Variants in INF2 observed in about 807,000 individuals in gnomAD.
INF2 encodes inverted formin 2, also known as inverted formin-2.
A neutral mutation model predicts 123.5 loss-of-function variants in INF2; 43 were observed. That is an observed-to-expected ratio of 0.35 (90% confidence interval 0.27 to 0.45). The LOEUF is 0.45. Among genes scored for constraint, INF2 ranks in the 20% least tolerant of loss-of-function variants. INF2 has a pLI of 1.00. For missense variants in INF2, 1,453 were observed against 1,682.7 expected (o/e 0.86, Z 2.39); for synonymous variants, 851 against 745.0 (o/e 1.14, Z -2.32).
Position 104,704,103 on chromosome 14 carries a change from G to T in INF2, c.701+154G>T, listed in dbSNP as rs1254190323. 4.0e-6 allele frequency: 6 copies of T among 1,490,962 alleles called. No individual in the cohort carries two copies. The African/African-American group carries it at 6.9e-5, about 17-fold the overall frequency. The allele number at this position is 1,490,962 out of a possible 1,614,324, so 92.4% of individuals were successfully genotyped here. A position where few individuals can be genotyped will look rare whatever the true frequency, so the allele number is the denominator to read the frequency against. On this transcript the variant is annotated intron_variant, in intron 5 of 22. Coordinates refer to ENST00000392634, the MANE Select transcript of INF2 (RefSeq NM_022489.4). ...AGTAACCCCAGGGGTCCAGCCAGAA[G>T]CCAGGTCTCAGGCTAGAATCCAGCT...
At chr14:104,689,882 G>A in intron 1 of INF2, 143 bp downstream of exon 1, 1 of 385,524 alleles carries the variant, frequency 2.6e-6, no homozygotes, top group Non-Finnish European at 3.6e-6. Context: ...GGCGGCGCAG[G>A]GTACAGTTCC....
At position 104,720,180 on chromosome 14, in the gene INF2, G is replaced by T. The variant is rs530531234; in HGVS notation, c.*1387G>T. 2 of 155,944 alleles carry T rather than the reference G, an allele frequency of 1.3e-5. No homozygotes were observed. The highest frequency in any genetic ancestry group is 2.8e-5 in the Non-Finnish European group (2 of 70,652). 9.7% of individuals were successfully genotyped at this position (155,944 alleles called of 1,614,324 possible). On this transcript the variant is annotated 3_prime_UTR_variant, in exon 23 of 23. Transcript: ENST00000392634. ...GGCTGTTTTCACGCGCCATCCTCACGGCAGGCTGTATCAGGACTTCATTCC... is the reference window on the plus strand; with the variant it reads ...GGCTGTTTTCACGCGCCATCCTCACTGCAGGCTGTATCAGGACTTCATTCC...
rs267607183 is a variant in INF2, at chr14:104,703,440, G to A, written c.653G>A (p.Arg218Gln). 3 of 1,612,364 alleles carry A rather than the reference G, an allele frequency of 1.9e-6. No homozygotes were observed. Among genetic ancestry groups the A allele is most frequent in the Non-Finnish European group, 2.5e-6 (3 of 1,179,880 alleles). The change falls in exon 4 of 23, where the codon CGG becomes CAG. Residue 218 changes from arginine (R) to glutamine (Q), a missense_variant. Arg to Gln is a conservative substitution (Grantham distance 43). This residue lies in a region of INF2 where 251 missense variants were observed against 349.4 expected (regional missense o/e 0.72). Transcript: ENST00000392634. ...PEDLRARTQL[R>Q]NEFIGLQLLD... ...GACCTGCGCGCGCGCACCCAGCTGC[G>A]GAACGAGTTTATCGGTAAGCACCTG...
rs59346268 is a variant in INF2, at chr14:104,699,915, C to T, written c.-9-1442C>T. ...CTGCCTCCTGGAAGGAGCCCACTGG[C>T]CCCCTGGGGCAGTTGGACAGGTGGA... On this transcript the variant is annotated intron_variant, in intron 1 of 22. Coordinates refer to ENST00000392634, the MANE Select transcript of INF2 (RefSeq NM_022489.4). This position sits in a 1 kb window ranked among gnomAD's most constrained non-coding sequence, Gnocchi z 4.7. Among the ~76,000 whole-genome samples, 23,417 of 152,086 alleles carry T rather than the reference C, an allele frequency of 0.15. 2,257 individuals are homozygous for T. The highest frequency in any genetic ancestry group is 0.43 in the East Asian group (2,240 of 5,156).
At chr14:104,696,365 A>G (rs1196262587) in intron 1 of INF2, among the ~76,000 whole-genome samples, 1 of 152,106 alleles carries the variant, frequency 6.6e-6, no homozygotes, top group Non-Finnish European at 1.5e-5. Flanking sequence ...GCCAGCCCTC[A>G]CCAAGGCCCA....
chr14:104,719,480 G>A lies in INF2; in HGVS notation c.*687G>A, dbSNP rs1475189702. Reference sequence around the variant, plus strand: ...AGGTCCACCTGAGGGGCTGCAGGGTGACACCCAGCAGCCGCTGCCCCCTCA... The same window carrying A: ...AGGTCCACCTGAGGGGCTGCAGGGTAACACCCAGCAGCCGCTGCCCCCTCA... On this transcript the variant is annotated 3_prime_UTR_variant, in exon 23 of 23. Coordinates refer to ENST00000392634, the MANE Select transcript of INF2 (RefSeq NM_022489.4). 6.6e-6 allele frequency: 1 copy of A among 152,166 alleles called. No individual in the cohort carries two copies. Among genetic ancestry groups the A allele is most frequent in the Non-Finnish European group, 1.5e-5 (1 of 68,022 alleles). 9.4% of individuals were successfully genotyped at this position (152,166 alleles called of 1,614,324 possible).
chr14:104,687,709 G>A (rs1216023479), upstream of INF2, among the ~76,000 whole-genome samples: 5 of 152,150 alleles, frequency 3.3e-5, no homozygotes, highest in Non-Finnish European at 5.9e-5. This position sits in a 1 kb window ranked among gnomAD's most constrained non-coding sequence, Gnocchi z 5.6. Context: ...TGGGGGCGCT[G>A]GGCCTCCCTC....
chr14:104,709,447 CG>C, intron 11 of INF2, 64 bp downstream of exon 11: 3 of 1,398,632 alleles, frequency 2.1e-6, no homozygotes, highest in Non-Finnish European at 2.0e-6. Context: ...GAGGCTGTCC[CG>C]GGGGCTCCCA....
intron 22 of INF2, among the ~76,000 whole-genome samples, chr14:104,716,348 A>G (rs1890298973): frequency 6.6e-6 from 1 of 152,168 alleles, no homozygotes; most frequent in South Asian, 2.1e-4. Context: ...CACGGCCTTC[A>G]CCCTGGGTTC....
chr14:104,702,763 G>T (rs898382769), intron 2 of INF2, among the ~76,000 whole-genome samples: 1 of 152,250 alleles, frequency 6.6e-6, no homozygotes, highest in Non-Finnish European at 1.5e-5. Context: ...AGCTCCAGAT[G>T]GGGTGGGAGG....
intron 16 of INF2, among the ~76,000 whole-genome samples, 200 bp from the exon 17 acceptor site, chr14:104,712,233 A>G (rs931457332): frequency 2.6e-5 from 4 of 152,134 alleles, no homozygotes; most frequent in African/African-American, 7.2e-5. Context: ...GCTGACCGTT[A>G]GGGTCCCCGC....
At position 104,707,644 on chromosome 14, in the gene INF2, GCCCCCA is replaced by G; in HGVS notation, c.1382_1387del (p.Pro461_Pro462del). On this transcript the variant is annotated inframe_deletion, in exon 8 of 23. Transcript: ENST00000392634. Reference sequence around the variant, plus strand: ...CTAAGGCCCTCCCAACAGCACCCCCGCCCCCACCCCTGCCAGGCCTGGGGGCCATGG... The same window carrying G: ...CTAAGGCCCTCCCAACAGCACCCCCGCCCCTGCCAGGCCTGGGGGCCATGG... 5 of 394,352 alleles carry G rather than the reference GCCCCCA, an allele frequency of 1.3e-5. No homozygotes were observed. The highest frequency in any genetic ancestry group is 7.6e-5 in the East Asian group (1 of 13,190). The allele number at this position is 394,352 out of a possible 1,614,324, so 24.4% of individuals were successfully genotyped here.
rs1128840 is a variant in INF2, at chr14:104,714,369, A to C, written c.3207A>C (p.Pro1069=). ...PTLEQLEEGG[P]RPLERRSSWY... ...TGGAGCAGTTGGAGGAGGGTGGTCC[A>C]CGGCCCCTGGAGAGGCGTTCTTCCT... The change falls in exon 21 of 23, where the codon CCA becomes CCC. Residue 1069 remains proline, a synonymous_variant. Transcript: ENST00000392634. 900,291 of 1,595,520 alleles carry C rather than the reference A, an allele frequency of 0.56. 258,329 individuals are homozygous for C. The highest frequency in any genetic ancestry group is 0.91 in the East Asian group (39,775 of 43,800).
intron 1 of INF2, among the ~76,000 whole-genome samples, chr14:104,693,633 G>T (rs924728129): frequency 1.3e-5 from 2 of 152,234 alleles, no homozygotes; most frequent in African/African-American, 4.8e-5. Context: ...CGAGTGGCCA[G>T]CTGCCCAACA....
intron 22 of INF2, chr14:104,715,598 C>T: frequency 1.7e-6 from 1 of 603,018 alleles, no homozygotes; most frequent in East Asian, 2.8e-5. Context: ...GCATGCGGGC[C>T]TCGAGAGGGC....
chr14:104,714,508 T>C lies in INF2; in HGVS notation c.3346T>C (p.Phe1116Leu), dbSNP rs746515925. Reference protein sequence around the residue: ...GDAQALKPLKFSSNQPPAAGS... With the variant: ...GDAQALKPLKLSSNQPPAAGS... ...TGCTCAGGCCCTGAAGCCCCTCAAG[T>C]TCTCCAGCAACCAGCCCCCTGCAGC... Residue 1116 changes from phenylalanine to leucine, a missense_variant, in exon 21 of 23, where the codon TTC becomes CTC. Coordinates refer to ENST00000392634, the MANE Select transcript of INF2 (RefSeq NM_022489.4). 6.2e-7 allele frequency: 1 copy of C among 1,612,668 alleles called. No homozygotes were observed. Among genetic ancestry groups the C allele is most frequent in the South Asian group, 1.1e-5 (1 of 91,074 alleles).
chr14:104,712,303 C>A, intron 16 of INF2, 130 bp from the exon 17 acceptor site: 2 of 1,251,078 alleles, frequency 1.6e-6, no homozygotes, highest in South Asian at 1.3e-5. Context: ...CAACACTGCA[C>A]GTGCAGCCTC....
chr14:104,715,882 A>G (rs375004017), intron 22 of INF2: 4 of 456,890 alleles, frequency 8.8e-6, no homozygotes, highest in East Asian at 6.9e-5. Context: ...GCTGCCAGGG[A>G]CAAGTACACT....
At chr14:104,697,359 C>T (rs112084676) in intron 1 of INF2, among the ~76,000 whole-genome samples, 80 of 152,334 alleles carry the variant, frequency 5.3e-4, no homozygotes, top group African/African-American at 1.9e-3. Flanking sequence ...TAACCCTGGC[C>T]TGTGTGCCGC....
Sources: allele counts gnomAD v4.1 joint callset (sites outside exome capture counted in the v4.1 genomes callset), GRCh38; gene constraint gnomAD v4.1.1; regional missense constraint gnomAD v4.1.1; non-coding constraint Gnocchi (gnomAD v3.1); transcripts MANE v1.5; gene names NCBI Gene and HGNC (gene_info 2026-07-23, HGNC 2026-07-21).